Variants in ZNFX1 observed in about 807,000 individuals in gnomAD.
ZNFX1 encodes zinc finger NFX1-type containing 1, also known as NFX1-type zinc finger-containing protein 1.
Under a neutral mutation model 179.8 loss-of-function variants are expected in ZNFX1, and 78 were observed. The ratio of observed to expected loss-of-function variants is 0.43; its 90% CI spans 0.36 to 0.52. ZNFX1 has a LOEUF of 0.52. ZNFX1 is among the 20% of genes least tolerant of loss of function. ZNFX1 has a pLI of 0.00. For synonymous variants in ZNFX1, 848 were observed against 868.5 expected (o/e 0.98, Z 0.42); for missense variants, 1,927 against 2,386.6 (o/e 0.81, Z 4.01).
chr20:49,271,244 C>T lies in ZNFX1; in HGVS notation c.568G>A (p.Val190Ile), dbSNP rs993254301. ...TTGGAGCTACAAGCCTTCCGAAGAACCTGACAGATGAGCTCAAGGAAGTTA... is the reference window on the plus strand; with the variant it reads ...TTGGAGCTACAAGCCTTCCGAAGAATCTGACAGATGAGCTCAAGGAAGTTA... ...KSNFLELICQVLRKACSSKMD... is the reference protein window; with the variant it reads ...KSNFLELICQILRKACSSKMD... Residue 190 changes from valine (V) to isoleucine (I), a missense_variant, in exon 3 of 14, where the codon GTT becomes ATT. Val to Ile is a conservative substitution (Grantham distance 29). Coordinates refer to ENST00000396105, the MANE Select transcript of ZNFX1 (RefSeq NM_021035.3). 6.2e-7 allele frequency: 1 copy of T among 1,614,134 alleles called. No individual in the cohort carries two copies. Among genetic ancestry groups the T allele is most frequent in the Non-Finnish European group, 8.5e-7 (1 of 1,180,038 alleles).
Position 49,249,629 on chromosome 20 carries a change from T to C in ZNFX1, c.3395A>G (p.His1132Arg). The C allele has an allele frequency of 6.2e-7, 1 of 1,614,236 alleles. No individual in the cohort carries two copies. Among genetic ancestry groups the C allele is most frequent in the Non-Finnish European group, 8.5e-7 (1 of 1,180,046 alleles). ...CAGCTCTACCACAAAGTGAGCCTCATGCTGGTTCTGATGGCTTTTGCCCTC... is the reference window on the plus strand; with the variant it reads ...CAGCTCTACCACAAAGTGAGCCTCACGCTGGTTCTGATGGCTTTTGCCCTC... ...IQEGKSHQNQ[H>R]EAHFVVELCK... is the part of the protein sequence containing the mutation. The change falls in exon 14 of 14, where the codon CAT becomes CGT. Residue 1132 changes from histidine to arginine, a missense_variant. Transcript: ENST00000396105.
rs1161030148 is a variant in ZNFX1 at position 49,248,167 on chromosome 20, G to A, written c.4857C>T (p.Cys1619=). The A allele has an allele frequency of 6.2e-7, 1 of 1,614,058 alleles. No homozygotes were observed. Among genetic ancestry groups the A allele is most frequent in the African/African-American group, 1.3e-5 (1 of 74,914 alleles). The change falls in exon 14 of 14, where the codon TGC becomes TGT. Residue 1619 remains cysteine (C), a synonymous_variant. Coordinates refer to ENST00000396105, the MANE Select transcript of ZNFX1 (RefSeq NM_021035.3). The surrounding 1 kb of genome is among the most constrained non-coding windows in gnomAD (Gnocchi z 4.6). The part of the protein sequence containing the change: ...DDEVAIRLKV[C]PICQVPIRKN... ...TGCGGATGGGCACCTGGCAGATAGG[G>A]CAGACTTTCAATCTGATGGCGACTT...
At chr20:49,252,947 C>G (rs1980880380) in intron 11 of ZNFX1, 117 bp from the exon 12 acceptor site, 1 of 745,790 alleles carries the variant, frequency 1.3e-6, no homozygotes, top group Non-Finnish European at 2.3e-6. Flanking sequence ...GTGCCAGGCA[C>G]TATTCTACAT....
chr20:49,254,740 ACCTTGGAC>A (rs11467218), intron 9 of ZNFX1, 91 bp from the exon 10 acceptor site: 938,266 of 1,316,590 alleles, frequency 0.71, 341,535 homozygotes, highest in Non-Finnish European at 0.75. Context: ...TATGAAGTGA[ACCTTGGAC>A]CCTTGGAGCA....
intron 3 of ZNFX1, among the ~76,000 whole-genome samples, chr20:49,267,148 G>T (rs1981254564): frequency 6.6e-6 from 1 of 152,116 alleles, no homozygotes. Flanking sequence ...TGTCCGCCTT[G>T]GCCTCCCAAA....
In ZNFX1 at chr20:49,263,325, G is replaced by A. The variant is rs1981158914; in HGVS notation, c.2301+9C>T. The A allele has an allele frequency of 6.2e-7, 1 of 1,612,236 alleles. No individual in the cohort carries two copies. The highest frequency in any genetic ancestry group is 8.5e-7 in the Non-Finnish European group (1 of 1,179,572). On this transcript the variant is annotated intron_variant, in intron 6 of 13. Coordinates refer to ENST00000396105, the MANE Select transcript of ZNFX1 (RefSeq NM_021035.3). ...GAGACATATTTGTGTCCCCCAGGAT[G>A]ACCCCTACCTGCACTGGTCCATTCA...
Position 49,251,598 on chromosome 20 carries a change from G to A in ZNFX1, c.3241C>T (p.Arg1081Cys), listed in dbSNP as rs545882684. 9.3e-6 allele frequency: 15 copies of A among 1,612,410 alleles called. No individual in the cohort carries two copies. The highest frequency in any genetic ancestry group is 2.7e-5 in the African/African-American group (2 of 74,958). Residue 1081 changes from arginine to cysteine, a missense_variant, in exon 13 of 14, where the codon CGC becomes TGC. Transcript: ENST00000396105. The stretch of plus-strand genomic sequence containing the variant: ...TGGTAAATGTGGGGGGTCAAAAGGC[G>A]GGCAATTTCAGGGCACATACGGTGC... ...YQHRMCPEIA[R>C]LLTPHIYQDL...
chr20:49,254,441 T>A (rs1249394584), intron 10 of ZNFX1, 54 bp downstream of exon 10: 1 of 1,599,122 alleles, frequency 6.3e-7, no homozygotes, highest in African/African-American at 1.3e-5. Flanking sequence ...TTAGATAATC[T>A]GGCACCAGAA....
Position 49,247,593 on chromosome 20 carries a change from C to T in ZNFX1, c.5431G>A (p.Glu1811Lys). 1 of 1,614,240 alleles carries T rather than the reference C, an allele frequency of 6.2e-7. No individual in the cohort carries two copies. The highest frequency in any genetic ancestry group is 8.5e-7 in the Non-Finnish European group (1 of 1,180,048). ...GTGGCTTTCAGAGCTTCCATCTTTT[C>T]CTGCACAAGTTGTTCATCCTCTTGG... ...FTQEDEQLVQEKMEALKATLP... is the reference protein window; with the variant it reads ...FTQEDEQLVQKKMEALKATLP... Residue 1811 changes from glutamate (E) to lysine (K), a missense_variant, in exon 14 of 14, where the codon GAA becomes AAA. Glu to Lys is a moderately conservative substitution (Grantham distance 56). Transcript: ENST00000396105.
chr20:49,252,293 C>G (rs540781415), intron 12 of ZNFX1, among the ~76,000 whole-genome samples: 14 of 151,944 alleles, frequency 9.2e-5, no homozygotes, highest in South Asian at 4.2e-4. Flanking sequence ...AGGTGCCCAC[C>G]ACCATGCCCG....
chr20:49,276,035 T>C, intron 1 of ZNFX1, 148 bp from the exon 2 acceptor site: 1 of 554,108 alleles, frequency 1.8e-6, no homozygotes, highest in East Asian at 2.9e-5. Flanking sequence ...AGAGCACAAG[T>C]GCTCGACTCT....
rs1317179173 is a variant in ZNFX1, at chr20:49,257,575, G to A, written c.2506C>T (p.Arg836Trp). Reference protein sequence around the residue: ...AEEADLIQADRVIEEEEVVRP... With the variant: ...AEEADLIQADWVIEEEEVVRP... ...ACCACCTCTTCCTCCTCAATCACCC[G>A]GTCTGCTTGAATCAGGTCAGCTTCC... is the stretch of plus-strand genomic sequence containing the variant. The change falls in exon 8 of 14, where the codon CGG becomes TGG. Residue 836 changes from arginine to tryptophan, a missense_variant. By Grantham distance (101) the Arg-to-Trp change is moderately radical. Coordinates refer to ENST00000396105, the MANE Select transcript of ZNFX1 (RefSeq NM_021035.3). 8 of 1,613,716 alleles carry A rather than the reference G, an allele frequency of 5.0e-6. No individual in the cohort carries two copies. Among genetic ancestry groups the A allele is most frequent in the South Asian group, 1.1e-5 (1 of 91,060 alleles).
intron 11 of ZNFX1, among the ~76,000 whole-genome samples, chr20:49,253,166 C>T (rs2083624522): frequency 6.6e-6 from 1 of 152,082 alleles, no homozygotes; most frequent in African/African-American, 2.4e-5. Flanking sequence ...AGTGGGACAC[C>T]AAGAGCAAAT....
chr20:49,262,656 TA>T (rs1199848491), intron 6 of ZNFX1, among the ~76,000 whole-genome samples: 2 of 152,206 alleles, frequency 1.3e-5, no homozygotes, highest in Non-Finnish European at 2.9e-5. Context: ...TGTAATCCTG[TA>T]AATCAGCAAC....
Position 49,257,633 on chromosome 20 carries a change from C to CAAG in ZNFX1, c.2447_2448insCTT (p.Gly816_Glu817insLeu). The CAAG allele has an allele frequency of 6.2e-7, 1 of 1,614,006 alleles. No homozygotes were observed. The highest frequency in any genetic ancestry group is 8.5e-7 in the Non-Finnish European group (1 of 1,180,014). The stretch of plus-strand genomic sequence containing the variant: ...TCTCTATCAGCGAACTCTCCTCCTC[C>CAAG]CCTTCTTCCTCCTCATCCCCTTCTG... On this transcript the variant is annotated inframe_insertion, in exon 8 of 14. Coordinates refer to ENST00000396105, the MANE Select transcript of ZNFX1 (RefSeq NM_021035.3).
Position 49,263,491 on chromosome 20 carries a change from G to T in ZNFX1, c.2152-8C>A. 1 of 1,566,922 alleles carries T rather than the reference G, an allele frequency of 6.4e-7. No homozygotes were observed. Among genetic ancestry groups the T allele is most frequent in the Non-Finnish European group, 8.7e-7 (1 of 1,154,554 alleles). ...CTTCATCTGTGTCATGATCTTCCAAGAACAGAGGGAAAGAAATGATGAGGA... is the reference window on the plus strand; with the variant it reads ...CTTCATCTGTGTCATGATCTTCCAATAACAGAGGGAAAGAAATGATGAGGA... On this transcript the variant is annotated splice_polypyrimidine_tract_variant and splice_region_variant and intron_variant, in intron 5 of 13. Coordinates refer to ENST00000396105, the MANE Select transcript of ZNFX1 (RefSeq NM_021035.3).
rs545339726 is a variant in ZNFX1 at position 49,256,419 on chromosome 20, T to C, written c.2665-472A>G. On this transcript the variant is annotated intron_variant, in intron 8 of 13. Coordinates refer to ENST00000396105, the MANE Select transcript of ZNFX1 (RefSeq NM_021035.3). ...TTCTTGTTGAATGCTGTACAACCAG[T>C]GCCTAGCAACTGGTGCTTCACACAG... 3.3e-5 allele frequency among the ~76,000 whole-genome samples: 5 copies of C among 152,302 alleles called. No individual in the cohort carries two copies. In the South Asian group the frequency reaches 1.0e-3, roughly 32 times the overall value.
intron 6 of ZNFX1, among the ~76,000 whole-genome samples, chr20:49,261,526 G>C (rs1234586199): frequency 6.6e-6 from 1 of 152,094 alleles, no homozygotes; most frequent in Non-Finnish European, 1.5e-5. Flanking sequence ...CACATAGAGG[G>C]GATCAACACA....
rs765633425 is a variant in ZNFX1 at position 49,249,532 on chromosome 20, G to A, written c.3492C>T (p.Leu1164=). ...CAGGCATCAGTTTGCGCAGGCAGAA[G>A]AGCTGCCCGGTATAGGTAGTGAGGA... The part of the protein sequence containing the change: ...ITILTTYTGQ[L]FCLRKLMPAK... The change falls in exon 14 of 14, where the codon CTC becomes CTT. Residue 1164 remains leucine (L), a synonymous_variant. Coordinates refer to ENST00000396105, the MANE Select transcript of ZNFX1 (RefSeq NM_021035.3). 18 of 1,614,226 alleles carry A rather than the reference G, an allele frequency of 1.1e-5. No homozygotes were observed. The East Asian group carries it at 4.0e-4, about 36-fold the overall frequency.
Sources: allele counts gnomAD v4.1 joint callset (sites outside exome capture counted in the v4.1 genomes callset), GRCh38; gene constraint gnomAD v4.1.1; non-coding constraint Gnocchi (gnomAD v3.1); transcripts MANE v1.5; gene names NCBI Gene and HGNC (gene_info 2026-07-23, HGNC 2026-07-21).